DIS3L2: variants seen among roughly 807,000 people sequenced by gnomAD.
DIS3L2 encodes the protein DIS3-like exonuclease 2.
Under a neutral mutation model 97.5 loss-of-function variants are expected in DIS3L2, and 34 were observed. The ratio of observed to expected loss-of-function variants is 0.35; its 90% CI spans 0.27 to 0.46. DIS3L2 has a LOEUF of 0.46. DIS3L2 is among the 20% of genes least tolerant of loss of function. The pLI, the probability that DIS3L2 is intolerant of heterozygous loss-of-function variation, is 1.00. For synonymous variants in DIS3L2, 435 were observed against 445.2 expected (o/e 0.98, Z 0.29); for missense variants, 1,038 against 1,146.0 (o/e 0.91, Z 1.36).
At chr2:232,186,083 A>C (rs1378695385) in intron 9 of DIS3L2, among the ~76,000 whole-genome samples, 1 of 152,182 alleles carries the variant, frequency 6.6e-6, no homozygotes, top group Non-Finnish European at 1.5e-5. Flanking sequence ...CACCTGCCTC[A>C]GCCTCCCAAA....
chr2:231,999,948 G>A (rs1023862401), intron 1 of DIS3L2, among the ~76,000 whole-genome samples: 1 of 151,798 alleles, frequency 6.6e-6, no homozygotes, highest in Admixed American at 6.6e-5. Flanking sequence ...TTTTTGTGAT[G>A]AGAACACTTA....
intron 13 of DIS3L2, among the ~76,000 whole-genome samples, chr2:232,283,756 A>G (rs1039489644): frequency 1.3e-5 from 2 of 152,226 alleles, no homozygotes; most frequent in African/African-American, 4.8e-5. Context: ...GAAGGAGAAC[A>G]GGTAGGTAGT....
At chr2:232,282,286 C>T (rs535492550) in intron 13 of DIS3L2, among the ~76,000 whole-genome samples, 31 of 151,998 alleles carry the variant, frequency 2.0e-4, no homozygotes, top group African/African-American at 7.5e-4. Flanking sequence ...TTGAAAAGTC[C>T]AAGGGAACAG....
At chr2:232,039,306 A>G (rs1029758269) in intron 5 of DIS3L2, among the ~76,000 whole-genome samples, 2 of 152,218 alleles carry the variant, frequency 1.3e-5, no homozygotes, top group Non-Finnish European at 2.9e-5. Context: ...AAACATCTCC[A>G]AACATACTGG....
At chr2:232,333,153 CCTCCTT>C (rs1695802383) in intron 16 of DIS3L2, among the ~76,000 whole-genome samples, 1 of 117,576 alleles carries the variant, frequency 8.5e-6, no homozygotes. Context: ...TCCACCACCT[CCTCCTT>C]CTCCTCCTCC....
intron 5 of DIS3L2, among the ~76,000 whole-genome samples, chr2:232,047,872 T>C (rs1695285459): frequency 6.6e-6 from 1 of 152,240 alleles, no homozygotes; most frequent in East Asian, 1.9e-4. Flanking sequence ...GTTTTCAGAG[T>C]TCTTCCACGT....
At chr2:232,090,596 G>C (rs1256244210) in intron 6 of DIS3L2, among the ~76,000 whole-genome samples, 1 of 152,170 alleles carries the variant, frequency 6.6e-6, no homozygotes, top group African/African-American at 2.4e-5. Flanking sequence ...TAGGATGTTA[G>C]TACTTTTTGC....
intron 5 of DIS3L2, among the ~76,000 whole-genome samples, chr2:232,045,092 G>A (rs1283480321): frequency 6.6e-6 from 1 of 152,178 alleles, no homozygotes; most frequent in African/African-American, 2.4e-5. Flanking sequence ...GTGCAATAGG[G>A]ATACCCAGCT....
At chr2:231,985,312 T>C (rs986933296) in intron 1 of DIS3L2, among the ~76,000 whole-genome samples, 7 of 152,254 alleles carry the variant, frequency 4.6e-5, no homozygotes, top group African/African-American at 1.7e-4. Context: ...CAGAATGCTA[T>C]ATAAACAGAA....
chr2:232,286,855 A>G (rs1694449550), intron 13 of DIS3L2, among the ~76,000 whole-genome samples: 1 of 152,130 alleles, frequency 6.6e-6, no homozygotes, highest in Non-Finnish European at 1.5e-5. Context: ...ATCTTGGCTC[A>G]CTGTAACCTC....
intron 14 of DIS3L2, among the ~76,000 whole-genome samples, chr2:232,314,639 A>T (rs1216157228): frequency 6.6e-6 from 1 of 152,220 alleles, no homozygotes; most frequent in East Asian, 1.9e-4. Flanking sequence ...AAATGTTTTC[A>T]TTGTCGATTT....
At chr2:232,089,472 A>G (rs1198960210) in intron 6 of DIS3L2, among the ~76,000 whole-genome samples, 3 of 152,210 alleles carry the variant, frequency 2.0e-5, no homozygotes, top group Non-Finnish European at 4.4e-5. Context: ...CATTCCTCTT[A>G]AAGTAAATGT....
intron 13 of DIS3L2, among the ~76,000 whole-genome samples, chr2:232,278,183 A>G (rs1490555204): frequency 1.3e-5 from 2 of 152,044 alleles, no homozygotes; most frequent in Non-Finnish European, 2.9e-5. Context: ...TGTGGGCTCA[A>G]TCAACTCTTC....
intron 10 of DIS3L2, among the ~76,000 whole-genome samples, chr2:232,220,461 C>T (rs1221835446): frequency 1.3e-5 from 2 of 152,144 alleles, no homozygotes; most frequent in Non-Finnish European, 2.9e-5. Flanking sequence ...GTAATCCCAA[C>T]ACTTTAGGGA....
At chr2:232,019,560 T>C (rs75262077) in intron 3 of DIS3L2, among the ~76,000 whole-genome samples, 356 of 145,874 alleles carry the variant, frequency 2.4e-3, no homozygotes, top group Non-Finnish European at 3.9e-3. Context: ...TCTCTCTCTT[T>C]TTTTTTTTTT....
chr2:232,064,071 G>C, intron 5 of DIS3L2, among the ~76,000 whole-genome samples: 1 of 151,870 alleles, frequency 6.6e-6, no homozygotes, highest in South Asian at 2.1e-4. Context: ...TAGTCTTTTT[G>C]CTCAGGTTTA....
At position 232,024,329 on chromosome 2, in the gene DIS3L2, CG is replaced by C. The variant is rs2106232915; in HGVS notation, c.264+1del. 6.3e-7 allele frequency: 1 copy of C among 1,597,444 alleles called. No homozygotes were observed. Among genetic ancestry groups the C allele is most frequent in the Non-Finnish European group, 8.5e-7 (1 of 1,171,356 alleles). On this transcript the variant is annotated frameshift_variant and splice_region_variant, in exon 4 of 21. Transcript: ENST00000325385. LOFTEE classifies it high-confidence loss of function. Reference sequence around the variant, plus strand: ...TTTCATGAAGCCTTCATTCCTTCCCCGGTAAGTTCAATAAATTTATAATAAA... The same window carrying C: ...TTTCATGAAGCCTTCATTCCTTCCCCGTAAGTTCAATAAATTTATAATAAA... ...KKFHEAFIPSPDGDRDIFIDG... is the reference protein window; with the variant it reads ...KKFHEAFIPSXDGDRDIFIDG...
At chr2:231,971,445 A>ATTGT (rs753346691) in intron 1 of DIS3L2, among the ~76,000 whole-genome samples, 1 of 150,828 alleles carries the variant, frequency 6.6e-6, no homozygotes, top group Non-Finnish European at 1.5e-5. Flanking sequence ...CGCCCAGCTC[A>ATTGT]TTGTTTGTTT....
chr2:231,969,051 T>C (rs937383549), intron 1 of DIS3L2, among the ~76,000 whole-genome samples: 1 of 152,144 alleles, frequency 6.6e-6, no homozygotes, highest in African/African-American at 2.4e-5. Context: ...CATGCCTATT[T>C]CCTCTTTCAC....
Sources: allele counts gnomAD v4.1 joint callset (sites outside exome capture counted in the v4.1 genomes callset), GRCh38; gene constraint gnomAD v4.1.1; transcripts MANE v1.5; gene names NCBI Gene and HGNC (gene_info 2026-07-23, HGNC 2026-07-21).